Variants in SPECC1L observed in about 807,000 individuals in gnomAD.
The protein encoded by SPECC1L is sperm antigen with calponin homology and coiled-coil domains 1 like, also known as cytospin-A.
SPECC1L carries 40 observed loss-of-function variants against 116.8 expected under a neutral mutation model. The observed-to-expected ratio is 0.34, with a 90% CI of 0.27 to 0.45. The LOEUF is 0.45. SPECC1L is among the 20% of genes least tolerant of loss of function. The probability of loss-of-function intolerance (pLI) is 1.00; values close to 1 mark genes in which losing one functional copy is unlikely to be tolerated. For missense variants in SPECC1L, 1,110 were observed against 1,373.6 expected, an observed-to-expected ratio of 0.81 and a Z score of 3.03; for synonymous variants, 504 against 500.6, an observed-to-expected ratio of 1.01 and a Z score of -0.09.
intron 2 of SPECC1L, among the ~76,000 whole-genome samples, chr22:24,298,850 C>G (rs1408416696): frequency 6.6e-6 from 1 of 152,238 alleles, no homozygotes; most frequent in Admixed American, 6.5e-5. Flanking sequence ...CAGAAACACC[C>G]TCACAGAAAC....
At chr22:24,280,533 A>G (rs1409459137) in intron 2 of SPECC1L, among the ~76,000 whole-genome samples, 1 of 151,644 alleles carries the variant, frequency 6.6e-6, no homozygotes, top group South Asian at 2.1e-4. Flanking sequence ...AAAAGTAACC[A>G]CAGCCACTAC....
At chr22:24,388,929 GA>G (rs1354716595) in intron 14 of SPECC1L, among the ~76,000 whole-genome samples, 3 of 152,072 alleles carry the variant, frequency 2.0e-5, no homozygotes, top group Non-Finnish European at 4.4e-5. Context: ...TCATCACAAT[GA>G]ATTTTAGAAT....
chr22:24,302,190 C>A lies in SPECC1L; in HGVS notation c.-37-5C>A. On this transcript the variant is annotated splice_region_variant and splice_polypyrimidine_tract_variant and intron_variant, in intron 2 of 16. Coordinates refer to ENST00000314328, the MANE Select transcript of SPECC1L (RefSeq NM_015330.6). ...TCTCAGTGTAATGCCATTTTTTTCCCACAGATTTGCTTGTAAATGCATCAC... is the reference window on the plus strand; with the variant it reads ...TCTCAGTGTAATGCCATTTTTTTCCAACAGATTTGCTTGTAAATGCATCAC... The A allele has an allele frequency of 6.2e-7, 1 of 1,610,464 alleles. No individual in the cohort carries two copies. The highest frequency in any genetic ancestry group is 8.5e-7 in the Non-Finnish European group (1 of 1,177,930).
At chr22:24,283,300 G>C (rs956024102) in intron 2 of SPECC1L, among the ~76,000 whole-genome samples, 2 of 150,884 alleles carry the variant, frequency 1.3e-5, no homozygotes, top group East Asian at 3.9e-4. Flanking sequence ...GGATGGTCTC[G>C]ATCTCCTGAC....
At chr22:24,411,051 G>A (rs1013656759) in intron 14 of SPECC1L, among the ~76,000 whole-genome samples, 1 of 152,102 alleles carries the variant, frequency 6.6e-6, no homozygotes, top group Non-Finnish European at 1.5e-5. Flanking sequence ...AGCCGGGTGT[G>A]GTGGCACATG....
intron 7 of SPECC1L, 152 bp from the exon 8 acceptor site, chr22:24,330,104 T>C (rs1401281674): frequency 5.3e-6 from 4 of 754,990 alleles, no homozygotes; most frequent in African/African-American, 1.8e-5. Flanking sequence ...CTGTTAGAAA[T>C]AGATACTAGC....
intron 14 of SPECC1L, among the ~76,000 whole-genome samples, chr22:24,394,193 A>G (rs1335989047): frequency 6.6e-6 from 1 of 152,232 alleles, no homozygotes; most frequent in African/African-American, 2.4e-5. Context: ...GGACTACTGT[A>G]ACAAAGTACC....
chr22:24,353,235 A>C (rs2041460202), intron 11 of SPECC1L, among the ~76,000 whole-genome samples: 2 of 152,114 alleles, frequency 1.3e-5, no homozygotes, highest in Admixed American at 6.6e-5. Flanking sequence ...CTAGAATCAA[A>C]TTGAGGCTCC....
intron 14 of SPECC1L, among the ~76,000 whole-genome samples, chr22:24,385,947 T>G (rs1443141808): frequency 6.6e-6 from 1 of 152,204 alleles, no homozygotes; most frequent in Non-Finnish European, 1.5e-5. Flanking sequence ...TGCACATTCC[T>G]TCTAATTGGC....
At chr22:24,354,500 T>G (rs750077962) in intron 11 of SPECC1L, among the ~76,000 whole-genome samples, 1 of 152,152 alleles carries the variant, frequency 6.6e-6, no homozygotes, top group Non-Finnish European at 1.5e-5. Context: ...GTCAGGTTAT[T>G]CCATCAGTGG....
intron 14 of SPECC1L, among the ~76,000 whole-genome samples, chr22:24,394,931 A>G (rs1433799210): frequency 3.3e-5 from 5 of 152,116 alleles, no homozygotes; most frequent in African/African-American, 4.8e-5. Context: ...CCTGGGCTCA[A>G]TCGACCCTCC....
At chr22:24,281,051 TG>T (rs2048933325) in intron 2 of SPECC1L, among the ~76,000 whole-genome samples, 1 of 152,182 alleles carries the variant, frequency 6.6e-6, no homozygotes, top group African/African-American at 2.4e-5. Context: ...TTATAGGGCC[TG>T]GGAAGCCAAG....
chr22:24,323,331 T>C (rs902314646), intron 5 of SPECC1L, among the ~76,000 whole-genome samples: 1 of 152,232 alleles, frequency 6.6e-6, no homozygotes, highest in Admixed American at 6.5e-5. Flanking sequence ...CTTATCTTGC[T>C]ATAGTAATAG....
intron 13 of SPECC1L, among the ~76,000 whole-genome samples, chr22:24,368,396 A>G (rs926474000): frequency 6.6e-6 from 1 of 152,206 alleles, no homozygotes; most frequent in African/African-American, 2.4e-5. Context: ...GAGCAAGGCA[A>G]AATTCTAACT....
At chr22:24,348,465 G>A (rs1162758532) in intron 11 of SPECC1L, among the ~76,000 whole-genome samples, 1 of 152,112 alleles carries the variant, frequency 6.6e-6, no homozygotes, top group African/African-American at 2.4e-5. Context: ...TACACATTTA[G>A]GGGCAATGGA....
intron 6 of SPECC1L, among the ~76,000 whole-genome samples, chr22:24,326,145 G>T (rs898577337): frequency 1.3e-5 from 2 of 152,106 alleles, no homozygotes; most frequent in Non-Finnish European, 2.9e-5. Context: ...TAGAGACAGG[G>T]TTTCACCACG....
intron 4 of SPECC1L, among the ~76,000 whole-genome samples, chr22:24,317,242 G>C (rs1309236422): frequency 8.5e-6 from 1 of 118,296 alleles, no homozygotes; most frequent in African/African-American, 3.1e-5. Flanking sequence ...CCCGGATGGG[G>C]CGGCTGGCCG....
At chr22:24,349,063 CAG>C (rs1424930214) in intron 11 of SPECC1L, among the ~76,000 whole-genome samples, 5 of 151,650 alleles carry the variant, frequency 3.3e-5, no homozygotes, top group East Asian at 3.9e-4. Context: ...TTTTTTGAGA[CAG>C]AGTCTCACTC....
chr22:24,311,674 G>T (rs561379452), intron 3 of SPECC1L, among the ~76,000 whole-genome samples: 1 of 152,022 alleles, frequency 6.6e-6, no homozygotes, highest in East Asian at 1.9e-4. Flanking sequence ...GCATGGTGGC[G>T]CATGCCTGTA....
Sources: allele counts gnomAD v4.1 joint callset (sites outside exome capture counted in the v4.1 genomes callset), GRCh38; gene constraint gnomAD v4.1.1; transcripts MANE v1.5; gene names NCBI Gene and HGNC (gene_info 2026-07-23, HGNC 2026-07-21).